Variants in FRMD5 observed in about 807,000 individuals in gnomAD.
FRMD5 encodes the protein FERM domain-containing protein 5.
In FRMD5, 20 loss-of-function variants were observed where a neutral mutation model predicts 69.0. The ratio of observed to expected loss-of-function variants is 0.29; its 90% CI spans 0.20 to 0.42. The LOEUF is 0.42. FRMD5 is among the 10% of genes least tolerant of loss of function. The pLI is 1.00. For missense variants in FRMD5, 595 were observed against 708.6 expected, an observed-to-expected ratio of 0.84 and a Z score of 1.82; for synonymous variants, 271 against 260.1, an observed-to-expected ratio of 1.04 and a Z score of -0.40.
At chr15:44,121,988 CAA>C (rs34129381) in intron 1 of FRMD5, among the ~76,000 whole-genome samples, 1,514 of 70,020 alleles carry the variant, frequency 0.022, 8 homozygotes, top group African/African-American at 0.057. Context: ...AAGGGAGACT[CAA>C]AAAAAAAAAA....
intron 1 of FRMD5, among the ~76,000 whole-genome samples, chr15:44,087,356 G>A (rs1894241290): frequency 6.6e-6 from 1 of 152,096 alleles, no homozygotes; most frequent in Non-Finnish European, 1.5e-5. Flanking sequence ...CTCACAAAGA[G>A]CCCTACATTA....
At chr15:43,910,011 G>A in intron 4 of FRMD5, 32 bp from the exon 5 acceptor site, 4 of 1,203,810 alleles carry the variant, frequency 3.3e-6, no homozygotes, top group Non-Finnish European at 4.9e-6. Flanking sequence ...AACTATAAAG[G>A]ATTTCTTTGA....
intron 1 of FRMD5, among the ~76,000 whole-genome samples, chr15:44,091,845 C>T (rs1357815483): frequency 2.6e-5 from 4 of 151,768 alleles, no homozygotes; most frequent in Non-Finnish European, 5.9e-5. Flanking sequence ...GCTGCCTGAG[C>T]CTCTACTCTC....
At chr15:43,992,444 T>C (rs532714672) in intron 1 of FRMD5, among the ~76,000 whole-genome samples, 2 of 152,144 alleles carry the variant, frequency 1.3e-5, no homozygotes, top group East Asian at 1.9e-4. Context: ...CGTGGTGCGA[T>C]ATCAGCTCAC....
rs1457124941 is a variant in FRMD5 at position 43,873,770 on chromosome 15, A to G, written c.*115T>C. 29 of 1,534,974 alleles carry G rather than the reference A, an allele frequency of 1.9e-5. No individual in the cohort carries two copies. Among genetic ancestry groups the G allele is most frequent in the Non-Finnish European group, 2.4e-5 (28 of 1,144,646 alleles). On this transcript the variant is annotated 3_prime_UTR_variant, in exon 14 of 14. Coordinates refer to ENST00000417257, the MANE Select transcript of FRMD5 (RefSeq NM_032892.5). ...CCTAGGCTGCAGTGGACTTTGAGTC[A>G]TGAGAGGAGGACTTGGTATATGTGC...
At chr15:43,913,456 G>A (rs541247501) in intron 4 of FRMD5, among the ~76,000 whole-genome samples, 2 of 152,374 alleles carry the variant, frequency 1.3e-5, no homozygotes, top group East Asian at 3.9e-4. Context: ...TTCTGCCACA[G>A]TGGCTTCCAT....
rs1258596738 is a variant in FRMD5, at chr15:43,899,452, G to T, written c.639+2723C>A. Among the ~76,000 whole-genome samples, 3 of 152,158 alleles carry T rather than the reference G, an allele frequency of 2.0e-5. No individual in the cohort carries two copies. The East Asian group carries it at 5.8e-4, about 29-fold the overall frequency. ...CATAGGGTACATAACAACGGGTAGT[G>T]ACTTGAGTTCAAATTCTTGCTCTAC... On this transcript the variant is annotated intron_variant, in intron 7 of 13. Transcript: ENST00000417257.
chr15:43,909,056 G>C (rs2089235452), intron 5 of FRMD5, among the ~76,000 whole-genome samples: 1 of 152,024 alleles, frequency 6.6e-6, no homozygotes, highest in Non-Finnish European at 1.5e-5. Context: ...GCGCAGTTTA[G>C]GGTTGAGTGT....
At chr15:44,146,609 C>T (rs1005413694) in intron 1 of FRMD5, among the ~76,000 whole-genome samples, 2 of 152,168 alleles carry the variant, frequency 1.3e-5, no homozygotes, top group African/African-American at 4.8e-5. Flanking sequence ...TACATTCCCA[C>T]CGACAGTATA....
chr15:44,172,673 G>T, intron 1 of FRMD5, among the ~76,000 whole-genome samples: 1 of 152,086 alleles, frequency 6.6e-6, no homozygotes. Context: ...GAATGAAACA[G>T]TACTTGATGC....
intron 1 of FRMD5, among the ~76,000 whole-genome samples, chr15:44,174,626 T>A (rs963487833): frequency 6.6e-6 from 1 of 152,218 alleles, no homozygotes; most frequent in Non-Finnish European, 1.5e-5. Context: ...TACTTTTCAA[T>A]GTAAAAGAAA....
At chr15:44,097,966 T>G (rs1201822843) in intron 1 of FRMD5, among the ~76,000 whole-genome samples, 3 of 152,092 alleles carry the variant, frequency 2.0e-5, no homozygotes. Context: ...TGCATCCTAA[T>G]GTAAAATGTC....
At chr15:44,171,567 G>T (rs1161767551) in intron 1 of FRMD5, among the ~76,000 whole-genome samples, 2 of 151,970 alleles carry the variant, frequency 1.3e-5, no homozygotes, top group African/African-American at 2.4e-5. Flanking sequence ...TCTGGGTTAA[G>T]GTACGATTTT....
At chr15:43,876,611 G>C (rs116503842) in intron 13 of FRMD5, among the ~76,000 whole-genome samples, 14 of 152,338 alleles carry the variant, frequency 9.2e-5, no homozygotes, top group African/African-American at 3.4e-4. Context: ...TAAAAACCCA[G>C]CATACAGCAT....
At chr15:44,050,736 C>T (rs538128585) in intron 1 of FRMD5, among the ~76,000 whole-genome samples, 62 of 151,462 alleles carry the variant, frequency 4.1e-4, no homozygotes, top group Non-Finnish European at 5.9e-4. Context: ...CAGCTCACTG[C>T]AACCTCTGCC....
chr15:43,885,586 C>T, intron 11 of FRMD5, 95 bp downstream of exon 11: 3 of 1,041,310 alleles, frequency 2.9e-6, no homozygotes, highest in Non-Finnish European at 4.5e-6. Flanking sequence ...CTGAGTCCTC[C>T]CTGGTTTCTC....
Position 43,958,687 on chromosome 15 carries a change from G to A in FRMD5, c.103-34378C>T, listed in dbSNP as rs145711208. On this transcript the variant is annotated intron_variant, in intron 1 of 13. Transcript: ENST00000417257. ...GGACTCAAGCAATCTGCTCACCTCC[G>A]CTGGGAGACCTTGGCCTCTCAAAGT... 5.7e-4 allele frequency among the ~76,000 whole-genome samples: 87 copies of A among 152,232 alleles called. 2 individuals are homozygous for A. The highest frequency in any genetic ancestry group is 2.2e-3 in the Admixed American group (33 of 15,288).
Position 43,873,325 on chromosome 15 carries a change from A to G in FRMD5, c.*560T>C. Reference sequence around the variant, plus strand: ...TTCTACATGGATGTTTACTTTTTTAAAAGTTCTGGCTGGCAAAAAAAACAA... The same window carrying G: ...TTCTACATGGATGTTTACTTTTTTAGAAGTTCTGGCTGGCAAAAAAAACAA... On this transcript the variant is annotated 3_prime_UTR_variant, in exon 14 of 14. Coordinates refer to ENST00000417257, the MANE Select transcript of FRMD5 (RefSeq NM_032892.5). 6.7e-7 allele frequency: 1 copy of G among 1,501,866 alleles called. No homozygotes were observed. Among genetic ancestry groups the G allele is most frequent in the Non-Finnish European group, 8.8e-7 (1 of 1,130,904 alleles). The allele number at this position is 1,501,866 out of a possible 1,614,324, so 93.0% of individuals were successfully genotyped here.
At chr15:43,874,881 C>CAG (rs1555465493) in intron 13 of FRMD5, among the ~76,000 whole-genome samples, 5 of 151,782 alleles carry the variant, frequency 3.3e-5, no homozygotes, top group Non-Finnish European at 7.4e-5. Context: ...TCCTCGGCAA[C>CAG]AGAGTGAGTA....
Sources: allele counts gnomAD v4.1 joint callset (sites outside exome capture counted in the v4.1 genomes callset), GRCh38; gene constraint gnomAD v4.1.1; transcripts MANE v1.5; gene names NCBI Gene and HGNC (gene_info 2026-07-23, HGNC 2026-07-21).